Variants in PARD3 observed in about 807,000 individuals in gnomAD.
PARD3 encodes the protein par-3 family cell polarity regulator.
PARD3 carries 75 observed loss-of-function variants against 155.4 expected under a neutral mutation model. The observed-to-expected ratio is 0.48, with a 90% CI of 0.40 to 0.58. PARD3 has a LOEUF of 0.58. Ranked by LOEUF, PARD3 falls within the 20% of genes least tolerant of loss-of-function variation. The pLI is 0.00. For missense variants in PARD3, 1,642 were observed against 1,721.7 expected, an observed-to-expected ratio of 0.95 and a Z score of 0.82; for synonymous variants, 576 against 610.5, an observed-to-expected ratio of 0.94 and a Z score of 0.83.
At chr10:34,235,008 C>T (rs982648232) in intron 22 of PARD3, among the ~76,000 whole-genome samples, 4 of 152,136 alleles carry the variant, frequency 2.6e-5, no homozygotes, top group Non-Finnish European at 5.9e-5. Flanking sequence ...AAGTTTTGTG[C>T]TATTTGTAAA....
intron 2 of PARD3, among the ~76,000 whole-genome samples, chr10:34,617,281 T>C (rs1451729078): frequency 1.3e-5 from 2 of 151,454 alleles, no homozygotes; most frequent in Non-Finnish European, 2.9e-5. Flanking sequence ...TAAATAAAAA[T>C]AAAAAGTTGA....
chr10:34,482,106 C>T (rs2079121748), intron 3 of PARD3, among the ~76,000 whole-genome samples: 1 of 138,224 alleles, frequency 7.2e-6, no homozygotes, highest in Admixed American at 7.7e-5. Context: ...ACCATCATTG[C>T]TCACTGCATC....
At chr10:34,150,571 A>C (rs1029427141) in intron 22 of PARD3, among the ~76,000 whole-genome samples, 24 of 152,226 alleles carry the variant, frequency 1.6e-4, no homozygotes, top group Middle Eastern at 6.8e-3. Context: ...TGGGTTTGAG[A>C]GCAGTATGTG....
At chr10:34,319,062 A>T (rs1958206639) in intron 19 of PARD3, among the ~76,000 whole-genome samples, 1 of 144,374 alleles carries the variant, frequency 6.9e-6, no homozygotes, top group Non-Finnish European at 1.5e-5. Flanking sequence ...TACAGGAGTG[A>T]GCCACTGCAC....
At chr10:34,145,749 A>G (rs1948476404) in intron 22 of PARD3, among the ~76,000 whole-genome samples, 1 of 152,176 alleles carries the variant, frequency 6.6e-6, no homozygotes, top group Non-Finnish European at 1.5e-5. Flanking sequence ...AAGTTCTTAA[A>G]GAAAACAAAC....
At chr10:34,281,332 A>G (rs1388072933) in intron 21 of PARD3, among the ~76,000 whole-genome samples, 1 of 152,180 alleles carries the variant, frequency 6.6e-6, no homozygotes, top group Non-Finnish European at 1.5e-5. Context: ...CTGAAAAAAT[A>G]GGGTACCTAG....
At chr10:34,799,573 A>T (rs1444718303) in intron 1 of PARD3, among the ~76,000 whole-genome samples, 5 of 151,848 alleles carry the variant, frequency 3.3e-5, no homozygotes, top group Admixed American at 2.0e-4. Context: ...TCAGGAAAAA[A>T]CCCTGTTCTT....
At chr10:34,145,223 T>TTTTTTTTA (rs1948442787) in intron 22 of PARD3, among the ~76,000 whole-genome samples, 1 of 61,800 alleles carries the variant, frequency 1.6e-5, no homozygotes, top group African/African-American at 1.1e-4. Context: ...ATATATATAT[T>TTTTTTTTA]TTTTTTTTTT....
intron 3 of PARD3, among the ~76,000 whole-genome samples, chr10:34,495,082 G>A (rs2080180035): frequency 6.6e-6 from 1 of 151,962 alleles, no homozygotes; most frequent in African/African-American, 2.4e-5. Flanking sequence ...CCAATTTCCT[G>A]GCACTCAATT....
intron 1 of PARD3, among the ~76,000 whole-genome samples, chr10:34,732,212 A>G (rs1244271777): frequency 4.6e-5 from 7 of 152,186 alleles, no homozygotes; most frequent in Non-Finnish European, 1.0e-4. Flanking sequence ...ACATTAAACT[A>G]CAAAACAGTC....
chr10:34,383,232 T>C (rs2132007764), intron 8 of PARD3, among the ~76,000 whole-genome samples: 1 of 152,304 alleles, frequency 6.6e-6, no homozygotes, highest in African/African-American at 2.4e-5. Context: ...ATAATTTCAA[T>C]AATAGAAACC....
chr10:34,756,938 T>C (rs11009919), intron 1 of PARD3, among the ~76,000 whole-genome samples: 10 of 152,310 alleles, frequency 6.6e-5, no homozygotes, highest in African/African-American at 2.4e-4. Context: ...AATCTTAGTT[T>C]CAAATTTTAG....
At chr10:34,314,812 T>C (rs1957909625) in intron 20 of PARD3, among the ~76,000 whole-genome samples, 1 of 152,246 alleles carries the variant, frequency 6.6e-6, no homozygotes, top group South Asian at 2.1e-4. Flanking sequence ...AAGTGATGCA[T>C]TTCAAGTATT....
At chr10:34,307,931 G>A (rs1196357976) in intron 20 of PARD3, among the ~76,000 whole-genome samples, 1 of 152,146 alleles carries the variant, frequency 6.6e-6, no homozygotes, top group East Asian at 1.9e-4. Context: ...GCCAAAAAGT[G>A]GGTTAGAAAA....
chr10:34,673,373 T>C (rs1234175019), intron 2 of PARD3, among the ~76,000 whole-genome samples: 1 of 152,228 alleles, frequency 6.6e-6, no homozygotes, highest in Non-Finnish European at 1.5e-5. Flanking sequence ...TTTACCTAGT[T>C]ACATAAAGCT....
At chr10:34,529,156 A>C (rs2082668511) in intron 2 of PARD3, among the ~76,000 whole-genome samples, 1 of 152,150 alleles carries the variant, frequency 6.6e-6, no homozygotes, top group Admixed American at 6.6e-5. Context: ...GTTCGAGGCT[A>C]ACTACTTGTA....
At chr10:34,516,125 T>A (rs186315031) in intron 3 of PARD3, among the ~76,000 whole-genome samples, 1 of 152,140 alleles carries the variant, frequency 6.6e-6, no homozygotes, top group Non-Finnish European at 1.5e-5. Context: ...CCACCACGCC[T>A]GGCTAATTTT....
intron 20 of PARD3, among the ~76,000 whole-genome samples, chr10:34,299,511 T>C (rs1564560574): frequency 6.6e-6 from 1 of 152,234 alleles, no homozygotes; most frequent in Non-Finnish European, 1.5e-5. Flanking sequence ...CTTTTCCCTT[T>C]GCTGACCAGA....
chr10:34,119,545 C>A (rs998597426), intron 24 of PARD3, 68 bp downstream of exon 24: 3 of 1,467,264 alleles, frequency 2.0e-6, no homozygotes, highest in Non-Finnish European at 1.8e-6. Context: ...GGAAGGAGCG[C>A]GTTCCTAAAG....
Sources: gnomAD v4.1 joint callset for allele counts (sites outside exome capture counted in the v4.1 genomes callset) on GRCh38, gnomAD v4.1.1 for gene constraint, MANE v1.5 for transcripts, NCBI Gene and HGNC (gene_info 2026-07-23, HGNC 2026-07-21) for gene names.